The following FANCD2 variants were observed in gnomAD, a reference collection of about 807,000 sequenced individuals.
The protein encoded by FANCD2 is FA complementation group D2, also known as Fanconi anemia group D2 protein.
Under a neutral mutation model 192.3 loss-of-function variants are expected in FANCD2, and 131 were observed. That is an observed-to-expected ratio of 0.68 (90% CI 0.59 to 0.79). The LOEUF is 0.79. Among genes scored for constraint, FANCD2 ranks in the 30% least tolerant of loss-of-function variants. The pLI is 0.00. For synonymous variants in FANCD2, 524 were observed against 612.5 expected (o/e 0.86, Z 2.13); for missense variants, 1,508 against 1,701.6 (o/e 0.89, Z 2.00).
intron 26 of FANCD2, among the ~76,000 whole-genome samples, chr3:10,067,927 C>T (rs1398156895): frequency 3.3e-5 from 5 of 152,120 alleles, no homozygotes; most frequent in South Asian, 4.1e-4. Context: ...ACAAAAACCA[C>T]ATGATATTTA....
intron 35 of FANCD2, 81 bp downstream of exon 35, chr3:10,088,623 G>T (rs989705622): frequency 7.2e-5 from 83 of 1,152,560 alleles, no homozygotes; most frequent in Admixed American, 1.8e-4. Context: ...CTGGACAAAT[G>T]ACCTTTTTAG....
intron 42 of FANCD2, among the ~76,000 whole-genome samples, chr3:10,097,356 T>A (rs759718454): frequency 1.3e-5 from 2 of 152,186 alleles, no homozygotes; most frequent in Non-Finnish European, 2.9e-5. Context: ...GACTGGAGTT[T>A]ATTTCACCTC....
intron 2 of FANCD2, among the ~76,000 whole-genome samples, chr3:10,031,502 A>C (rs763521354): frequency 4.3e-5 from 4 of 93,730 alleles, no homozygotes; most frequent in Non-Finnish European, 8.8e-5. Flanking sequence ...ACTCCATTTC[A>C]AAAAAAAAAA....
At chr3:10,034,018 G>C (rs2086667144) in intron 3 of FANCD2, among the ~76,000 whole-genome samples, 1 of 149,294 alleles carries the variant, frequency 6.7e-6, no homozygotes, top group Non-Finnish European at 1.5e-5. Context: ...TTTTATGTGG[G>C]TTTAGACACA....
At chr3:10,095,573 G>A (rs1694906081) in intron 41 of FANCD2, among the ~76,000 whole-genome samples, 1 of 152,218 alleles carries the variant, frequency 6.6e-6, no homozygotes, top group Non-Finnish European at 1.5e-5. Flanking sequence ...CTAGGTAACA[G>A]GACTGTGATG....
intron 18 of FANCD2, among the ~76,000 whole-genome samples, chr3:10,059,395 T>C (rs1421953500): frequency 6.6e-6 from 1 of 152,206 alleles, no homozygotes; most frequent in African/African-American, 2.4e-5. Flanking sequence ...ATTATGATAA[T>C]TTTCATATCC....
intron 18 of FANCD2, among the ~76,000 whole-genome samples, chr3:10,055,640 G>A (rs367562418): frequency 1.3e-5 from 2 of 151,760 alleles, no homozygotes; most frequent in Non-Finnish European, 2.9e-5. Context: ...GTGAAACCCC[G>A]TCTTTACTAA....
intron 17 of FANCD2, among the ~76,000 whole-genome samples, chr3:10,050,337 G>T (rs1180275842): frequency 6.6e-6 from 1 of 152,126 alleles, no homozygotes; most frequent in Non-Finnish European, 1.5e-5. Context: ...TTAAGAATAT[G>T]TGGCGGTCCG....
intron 37 of FANCD2, among the ~76,000 whole-genome samples, chr3:10,091,477 G>GA (rs1018395681): frequency 1.8e-4 from 26 of 142,426 alleles, no homozygotes; most frequent in South Asian, 4.5e-4. Flanking sequence ...GTCTCAAAAA[G>GA]AAAAAAAAAA....
chr3:10,074,752 A>G, intron 29 of FANCD2, 79 bp downstream of exon 29: 3 of 1,340,930 alleles, frequency 2.2e-6, no homozygotes, highest in Middle Eastern at 1.8e-4. Context: ...CACAAAGAAC[A>G]CTGTGACACT....
intron 37 of FANCD2, 120 bp downstream of exon 37, chr3:10,090,505 A>G (rs977618164): frequency 9.4e-6 from 6 of 639,514 alleles, no homozygotes; most frequent in East Asian, 3.1e-5. Flanking sequence ...TGTTGCCCAG[A>G]CTGGAGTGCA....
chr3:10,073,058 T>C, intron 27 of FANCD2, 77 bp downstream of exon 27: 1 of 910,360 alleles, frequency 1.1e-6, no homozygotes. Context: ...ATGTGTATCA[T>C]GGCATCAGTA....
At chr3:10,092,807 G>C (rs6807846) in intron 38 of FANCD2, among the ~76,000 whole-genome samples, 1 of 147,812 alleles carries the variant, frequency 6.8e-6, no homozygotes, top group East Asian at 2.0e-4. Flanking sequence ...TCTTCCCACT[G>C]AAGCCTCTGG....
intron 18 of FANCD2, among the ~76,000 whole-genome samples, chr3:10,053,715 A>G (rs1159397841): frequency 6.6e-6 from 1 of 150,774 alleles, no homozygotes; most frequent in Non-Finnish European, 1.5e-5. Flanking sequence ...TTTTCTTACC[A>G]CAAACATTAA....
intron 26 of FANCD2, among the ~76,000 whole-genome samples, chr3:10,071,224 C>G (rs981789827): frequency 6.6e-6 from 1 of 151,384 alleles, no homozygotes; most frequent in East Asian, 1.9e-4. Flanking sequence ...AAAAGAGAAC[C>G]TTTGTACACT....
chr3:10,092,159 C>T (rs765738706), intron 37 of FANCD2, 22 bp from the exon 38 acceptor site: 10 of 1,574,284 alleles, frequency 6.4e-6, no homozygotes, highest in East Asian at 4.5e-5. Context: ...CTCAGAGGTG[C>T]CCATATATTT....
At chr3:10,034,345 AGATTTGTCTCTGAAATTAGGTTG>A in intron 3 of FANCD2, 101 bp from the exon 4 acceptor site, 11 of 707,556 alleles carry the variant, frequency 1.6e-5, no homozygotes, top group South Asian at 7.9e-5. Flanking sequence ...AAAAAAAAAA[AGATTTGTCTCTGAAATTAGGTTG>A]AAAATATTTT....
intron 32 of FANCD2, among the ~76,000 whole-genome samples, chr3:10,084,225 C>T (rs1425123221): frequency 6.6e-6 from 1 of 150,708 alleles, no homozygotes; most frequent in Non-Finnish European, 1.5e-5. Context: ...AACTCCTGAC[C>T]CCGTGATCTA....
At chr3:10,054,569 C>T (rs1357886570) in intron 18 of FANCD2, among the ~76,000 whole-genome samples, 14 of 135,504 alleles carry the variant, frequency 1.0e-4, no homozygotes, top group East Asian at 2.3e-4. Context: ...CTGCAAACTC[C>T]GCCTCCCAGG....
Sources: allele counts gnomAD v4.1 joint callset (sites outside exome capture counted in the v4.1 genomes callset), GRCh38; gene constraint gnomAD v4.1.1; transcripts MANE v1.5; gene names NCBI Gene and HGNC (gene_info 2026-07-23, HGNC 2026-07-21).